WDR72: variants seen among roughly 807,000 people sequenced by gnomAD.
WDR72 encodes the protein WD repeat domain 72, also known as WD repeat-containing protein 72.
Under a neutral mutation model 124.2 loss-of-function variants are expected in WDR72, and 120 were observed. The ratio of observed to expected loss-of-function variants is 0.97; its 90% CI spans 0.83 to 1.12. The LOEUF is 1.12. WDR72 is among the 50% of genes most tolerant of loss of function. WDR72 has a pLI of 0.00. For missense variants in WDR72, 1,387 were observed against 1,278.8 expected (o/e 1.08, Z -1.29); for synonymous variants, 452 against 441.7 (o/e 1.02, Z -0.29).
chr15:53,719,690 T>C (rs2017818105), intron 3 of WDR72, among the ~76,000 whole-genome samples: 1 of 152,220 alleles, frequency 6.6e-6, no homozygotes, highest in African/African-American at 2.4e-5. Context: ...GGGCCAGCAG[T>C]ACCCGCATAG....
intron 14 of WDR72, among the ~76,000 whole-genome samples, chr15:53,638,448 C>T (rs2014706554): frequency 6.6e-6 from 1 of 152,126 alleles, no homozygotes. Context: ...TACTCCATGG[C>T]AACATGCCAA....
Position 53,699,855 on chromosome 15 carries a change from G to A in WDR72, c.1660C>T (p.Arg554Trp), listed in dbSNP as rs760574408. Residue 554 changes from arginine to tryptophan, a missense_variant, in exon 13 of 20, where the codon CGG becomes TGG. Transcript: ENST00000360509. ...LEGKSCLLHA[R>W]KHLFPVRMIK... ...ATCCTCACAGGAAAAAGGTGCTTCC[G>A]GGCATGCAGGAGGCAACTCTTTCCC... The A allele has an allele frequency of 8.1e-6, 13 of 1,613,950 alleles. No homozygotes were observed. The highest frequency in any genetic ancestry group is 1.3e-5 in the African/African-American group (1 of 74,874).
chr15:53,543,187 A>G (rs1893244727), intron 18 of WDR72, among the ~76,000 whole-genome samples: 1 of 145,624 alleles, frequency 6.9e-6, no homozygotes, highest in Admixed American at 6.9e-5. Context: ...TCAACAGAAT[A>G]TACATTTTTT....
At chr15:53,522,417 T>C (rs1016265876) in intron 19 of WDR72, among the ~76,000 whole-genome samples, 1 of 151,898 alleles carries the variant, frequency 6.6e-6, no homozygotes, top group African/African-American at 2.4e-5. Flanking sequence ...AAATATTAAG[T>C]GGAGGAGATA....
chr15:53,688,586 A>G (rs981925573), intron 13 of WDR72, among the ~76,000 whole-genome samples: 1 of 152,190 alleles, frequency 6.6e-6, no homozygotes, highest in Non-Finnish European at 1.5e-5. Flanking sequence ...ATGGAAGAAC[A>G]TTCCATGCTC....
chr15:53,562,275 C>G (rs760437954), intron 18 of WDR72, among the ~76,000 whole-genome samples: 73 of 151,758 alleles, frequency 4.8e-4, no homozygotes, highest in Non-Finnish European at 7.7e-4. Context: ...TCAATTCTTG[C>G]AGCTTTTTTC....
chr15:53,621,107 T>C (rs2013971843), intron 14 of WDR72, among the ~76,000 whole-genome samples: 1 of 151,974 alleles, frequency 6.6e-6, no homozygotes, highest in African/African-American at 2.4e-5. Flanking sequence ...CAATACCACC[T>C]TACTCTTGCA....
intron 18 of WDR72, among the ~76,000 whole-genome samples, chr15:53,590,362 T>C (rs1186886318): frequency 6.6e-6 from 1 of 152,044 alleles, no homozygotes; most frequent in Non-Finnish European, 1.5e-5. Context: ...ATATTCCAAA[T>C]AAAAGTCTTC....
At position 53,716,995 on chromosome 15, in the gene WDR72, G is replaced by C. The variant is rs74654112; in HGVS notation, c.261-310C>G. ...GTACAACAATCTTTCAGTGGAAACT[G>C]TATCCTCTTGAAAATGCTTTATTTC... On this transcript the variant is annotated intron_variant, in intron 3 of 19. Coordinates refer to ENST00000360509, the MANE Select transcript of WDR72 (RefSeq NM_182758.4). 5.9e-3 allele frequency among the ~76,000 whole-genome samples: 897 copies of C among 152,238 alleles called. 14 individuals are homozygous for C. The highest frequency in any genetic ancestry group is 0.05 in the South Asian group (243 of 4,822).
intron 19 of WDR72, among the ~76,000 whole-genome samples, chr15:53,521,148 C>T (rs1316589228): frequency 6.6e-6 from 1 of 152,044 alleles, no homozygotes; most frequent in Non-Finnish European, 1.5e-5. Context: ...AGACAATGGC[C>T]CAAAGTGCAG....
intron 1 of WDR72, among the ~76,000 whole-genome samples, chr15:53,740,463 G>A (rs924389190): frequency 1.3e-5 from 2 of 151,856 alleles, no homozygotes; most frequent in Non-Finnish European, 2.9e-5. Context: ...GCCCACCACC[G>A]CGCCCGGCTA....
intron 14 of WDR72, among the ~76,000 whole-genome samples, chr15:53,640,748 A>C (rs570482244): frequency 6.6e-6 from 1 of 152,236 alleles, no homozygotes; most frequent in Non-Finnish European, 1.5e-5. Flanking sequence ...ATAATAGGAA[A>C]TGTGCATTGT....
intron 18 of WDR72, among the ~76,000 whole-genome samples, chr15:53,524,802 G>T (rs1459913481): frequency 6.6e-6 from 1 of 151,988 alleles, no homozygotes; most frequent in Non-Finnish European, 1.5e-5. Flanking sequence ...TAATAAATCT[G>T]ATCTTTTCAT....
At chr15:53,554,695 A>G (rs1436269942) in intron 18 of WDR72, among the ~76,000 whole-genome samples, 1 of 152,160 alleles carries the variant, frequency 6.6e-6, no homozygotes, top group Non-Finnish European at 1.5e-5. Flanking sequence ...ACTGTGATAC[A>G]GGAGAAGAAA....
intron 18 of WDR72, among the ~76,000 whole-genome samples, chr15:53,532,157 G>A (rs1305672942): frequency 6.6e-6 from 1 of 152,126 alleles, no homozygotes; most frequent in African/African-American, 2.4e-5. Context: ...TGCTGTCAAG[G>A]ATGTGGAGAA....
At chr15:53,729,868 T>C (rs1019757561) in intron 2 of WDR72, among the ~76,000 whole-genome samples, 1 of 151,860 alleles carries the variant, frequency 6.6e-6, no homozygotes, top group Non-Finnish European at 1.5e-5. Flanking sequence ...GTACTGCAGG[T>C]GGGAATGCAA....
chr15:53,704,949 G>C, intron 11 of WDR72, 39 bp downstream of exon 11: 2 of 1,609,878 alleles, frequency 1.2e-6, no homozygotes, highest in Non-Finnish European at 8.5e-7. Flanking sequence ...TGCAGCTTTA[G>C]ATAAATCAAA....
chr15:53,616,835 C>T (rs2013787949), intron 14 of WDR72, among the ~76,000 whole-genome samples: 2 of 151,980 alleles, frequency 1.3e-5, no homozygotes, highest in South Asian at 4.1e-4. Flanking sequence ...TCCTTGAATA[C>T]TCTATTCCCT....
intron 18 of WDR72, 30 bp from the exon 19 acceptor site, chr15:53,523,352 GACAGA>G (rs778233598): frequency 4.5e-6 from 7 of 1,563,034 alleles, no homozygotes; most frequent in South Asian, 1.1e-5. Flanking sequence ...GAGAGAGAGA[GACAGA>G]AGAGAGAGGA....
Sources: allele counts gnomAD v4.1 joint callset (sites outside exome capture counted in the v4.1 genomes callset), GRCh38; gene constraint gnomAD v4.1.1; transcripts MANE v1.5; gene names NCBI Gene and HGNC (gene_info 2026-07-23, HGNC 2026-07-21).